The following BRD9 variants were observed in gnomAD, a reference collection of about 807,000 sequenced individuals.
The protein encoded by BRD9 is bromodomain-containing protein 9.
In BRD9, 47 loss-of-function variants were observed where a neutral mutation model predicts 68.7. The ratio of observed to expected loss-of-function variants is 0.68; its 90% CI spans 0.54 to 0.87. The LOEUF (loss-of-function observed/expected upper bound fraction) is 0.87, where lower values mean the gene tolerates loss of function less well. Among genes scored for constraint, BRD9 ranks in the 40% least tolerant of loss-of-function variants. The pLI is 0.00. For missense variants in BRD9, 670 were observed against 748.4 expected (o/e 0.90, Z 1.22); for synonymous variants, 313 against 293.9 (o/e 1.06, Z -0.67).
intron 12 of BRD9, among the ~76,000 whole-genome samples, chr5:872,240 T>G (rs1329218860): frequency 1.3e-5 from 2 of 152,260 alleles, no homozygotes; most frequent in Non-Finnish European, 2.9e-5. Flanking sequence ...GTTTCTCAGA[T>G]TCAATGACAT....
chr5:883,124 G>A (rs1047623512), intron 8 of BRD9: 21 of 360,556 alleles, frequency 5.8e-5, no homozygotes, highest in Admixed American at 3.4e-4. Context: ...CTCGCAACAC[G>A]CAAGCCACAC....
intron 1 of BRD9, 103 bp downstream of exon 1, chr5:892,503 C>G: frequency 6.8e-7 from 1 of 1,480,044 alleles, no homozygotes; most frequent in East Asian, 2.7e-5. Flanking sequence ...CCCTCGTGGC[C>G]AGGACCTCGC....
intron 8 of BRD9, chr5:881,395 A>G: frequency 1.7e-6 from 1 of 595,782 alleles, no homozygotes; most frequent in Non-Finnish European, 3.0e-6. Context: ...TAGGCTCCCC[A>G]TGGCCCTGCT....
intron 7 of BRD9, 120 bp from the exon 8 acceptor site, chr5:884,190 A>G: frequency 1.6e-6 from 2 of 1,277,124 alleles, no homozygotes; most frequent in Non-Finnish European, 2.2e-6. Flanking sequence ...GAGCTGGCAG[A>G]GCATACTTAA....
At chr5:889,801 G>C (rs1580011893) in intron 3 of BRD9, 154 bp from the exon 4 acceptor site, 5 of 1,460,344 alleles carry the variant, frequency 3.4e-6, no homozygotes, top group Middle Eastern at 3.6e-4. Context: ...CTCAGCCTTG[G>C]CTCCCACCAA....
chr5:869,134 T>A, intron 14 of BRD9: 1 of 291,444 alleles, frequency 3.4e-6, no homozygotes, highest in Non-Finnish European at 6.7e-6. Context: ...AAATGAAAAA[T>A]AAAATTCTAA....
At position 864,132 on chromosome 5, in the gene BRD9, G is replaced by T. The variant is rs186966629; in HGVS notation, c.*336C>A. The T allele has an allele frequency of 5.4e-6, 1 of 183,800 alleles. No individual in the cohort carries two copies. The highest frequency in any genetic ancestry group is 5.5e-5 in the Admixed American group (1 of 18,166). 11.4% of individuals were successfully genotyped at this position (183,800 alleles called of 1,614,324 possible). On this transcript the variant is annotated 3_prime_UTR_variant, in exon 16 of 16. Transcript: ENST00000467963. ...CTTCGCGTATGACTCCACTCCTCAGGGTTCACGGGGCTGTGTACAGAGACT... is the reference window on the plus strand; with the variant it reads ...CTTCGCGTATGACTCCACTCCTCAGTGTTCACGGGGCTGTGTACAGAGACT...
chr5:870,596 C>T (rs1208310875), intron 13 of BRD9, 21 bp from the exon 14 acceptor site: 1 of 1,552,566 alleles, frequency 6.4e-7, no homozygotes, highest in Non-Finnish European at 8.9e-7. Flanking sequence ...AGACACACAT[C>T]AAGAGCAATT....
chr5:890,213 A>T (rs1753158058), intron 3 of BRD9, among the ~76,000 whole-genome samples: 1 of 152,044 alleles, frequency 6.6e-6, no homozygotes, highest in Non-Finnish European at 1.5e-5. Flanking sequence ...TAAAAAAAGA[A>T]AGTGCCTGAA....
chr5:875,371 G>C (rs1457020688), intron 12 of BRD9, among the ~76,000 whole-genome samples: 3 of 149,414 alleles, frequency 2.0e-5, no homozygotes, highest in African/African-American at 7.4e-5. Flanking sequence ...TTTTGGAGAT[G>C]GGGTCTGGCT....
intron 4 of BRD9, 118 bp downstream of exon 4, chr5:889,469 C>G (rs900014533): frequency 8.8e-7 from 1 of 1,142,230 alleles, no homozygotes; most frequent in African/African-American, 1.6e-5. Context: ...TGGGAGTCAC[C>G]AAGAGAAGGT....
intron 7 of BRD9, among the ~76,000 whole-genome samples, 183 bp downstream of exon 7, chr5:886,409 C>T (rs1358803526): frequency 2.0e-5 from 3 of 152,074 alleles, no homozygotes; most frequent in African/African-American, 4.8e-5. Flanking sequence ...AGAGAGTGCA[C>T]GTGGCCGGTG....
intron 7 of BRD9, 109 bp from the exon 8 acceptor site, chr5:884,179 A>G: frequency 7.4e-7 from 1 of 1,359,948 alleles, no homozygotes; most frequent in Non-Finnish European, 1.0e-6. Flanking sequence ...CCTCAGACAC[A>G]GAGCTGGCAG....
At chr5:868,540 A>G (rs1419699698) in intron 14 of BRD9, 1 of 152,250 alleles carries the variant, frequency 6.6e-6, no homozygotes, top group Non-Finnish European at 1.5e-5. Flanking sequence ...CACAGCTCCA[A>G]CAACAGGAGC....
intron 3 of BRD9, 36 bp from the exon 4 acceptor site, chr5:889,683 C>G (rs1753064322): frequency 6.2e-7 from 1 of 1,608,280 alleles, no homozygotes; most frequent in Admixed American, 1.7e-5. Flanking sequence ...GAATACAAGA[C>G]TTTGGTATCC....
chr5:883,800 G>C (rs1006815643), intron 8 of BRD9, 138 bp downstream of exon 8: 1 of 1,236,424 alleles, frequency 8.1e-7, no homozygotes, highest in Non-Finnish European at 1.1e-6. Flanking sequence ...TGTCTGATCC[G>C]GACCTCCCGT....
chr5:891,296 C>T lies in BRD9; in HGVS notation c.268-9G>A, dbSNP rs1313101821. 1 of 1,550,624 alleles carries T rather than the reference C, an allele frequency of 6.4e-7. No individual in the cohort carries two copies. The highest frequency in any genetic ancestry group is 8.7e-7 in the Non-Finnish European group (1 of 1,146,416). On this transcript the variant is annotated splice_polypyrimidine_tract_variant and intron_variant, in intron 2 of 15. Coordinates refer to ENST00000467963, the MANE Select transcript of BRD9 (RefSeq NM_023924.5). Reference sequence around the variant, plus strand: ...TTCCGCTTCTTCTCTTCCTGGGCGGCAGAGTCAAGGGAGTGAGAAAGGCAG... The same window carrying T: ...TTCCGCTTCTTCTCTTCCTGGGCGGTAGAGTCAAGGGAGTGAGAAAGGCAG...
intron 7 of BRD9, among the ~76,000 whole-genome samples, chr5:885,003 C>A (rs887507933): frequency 1.3e-5 from 2 of 152,252 alleles, no homozygotes; most frequent in African/African-American, 4.8e-5. Context: ...ACCAGAGACA[C>A]CCAAAACCAA....
chr5:890,345 C>T (rs938715718), intron 3 of BRD9, among the ~76,000 whole-genome samples: 4 of 152,194 alleles, frequency 2.6e-5, no homozygotes, highest in Non-Finnish European at 5.9e-5. Flanking sequence ...CCTCCCCACT[C>T]CCTGATGTCC....
Sources: gnomAD v4.1 joint callset for allele counts (sites outside exome capture counted in the v4.1 genomes callset) on GRCh38, gnomAD v4.1.1 for gene constraint, MANE v1.5 for transcripts, NCBI Gene and HGNC (gene_info 2026-07-23, HGNC 2026-07-21) for gene names.